The following SLC24A5 variants were observed in gnomAD, a reference collection of about 807,000 sequenced individuals.
SLC24A5 encodes the protein solute carrier family 24 member 5, also known as sodium/potassium/calcium exchanger 5.
A neutral mutation model predicts 51.6 loss-of-function variants in SLC24A5; 46 were observed. The observed-to-expected ratio is 0.89, with a 90% CI of 0.70 to 1.14. The LOEUF (loss-of-function observed/expected upper bound fraction) is 1.14. Ranked by LOEUF, SLC24A5 falls within the 50% of genes most tolerant of loss-of-function variation. The probability of loss-of-function intolerance (pLI) is 0.00; values close to 1 mark genes in which losing one functional copy is unlikely to be tolerated. For synonymous variants in SLC24A5, 230 were observed against 214.9 expected (o/e 1.07, Z -0.62); for missense variants, 581 against 604.1 (o/e 0.96, Z 0.40).
At chr15:48,136,991 A>G (rs1177530321) in intron 6 of SLC24A5, 28 bp downstream of exon 6, 2 of 1,576,552 alleles carry the variant, frequency 1.3e-6, no homozygotes, top group Non-Finnish European at 1.7e-6. Flanking sequence ...CCCATTATTA[A>G]GTCTATTCGC....
At chr15:48,141,440 G>T in intron 8 of SLC24A5, 1 of 328,270 alleles carries the variant, frequency 3.0e-6, no homozygotes, top group East Asian at 6.7e-5. Context: ...AGCCGGGCGT[G>T]GTGGCATGTG....
In SLC24A5 at chr15:48,134,957, GTATAATA is replaced by G; in HGVS notation, c.567_573del (p.Ile189MetfsTer15). ...ACAATTAGTGCAGCAGCAGTTCTTGGTATAATATATGACAACCAAGTTTACTGGTAAG... is the reference window on the plus strand; with the variant it reads ...ACAATTAGTGCAGCAGCAGTTCTTGGTATGACAACCAAGTTTACTGGTAAG... On this transcript the variant is annotated frameshift_variant, in exon 5 of 9. Coordinates refer to ENST00000341459, the MANE Select transcript of SLC24A5 (RefSeq NM_205850.3). LOFTEE classifies it high-confidence loss of function. The G allele has an allele frequency of 6.2e-7, 1 of 1,611,548 alleles. No individual in the cohort carries two copies. Among genetic ancestry groups the G allele is most frequent in the Non-Finnish European group, 8.5e-7 (1 of 1,178,264 alleles).
Position 48,121,931 on chromosome 15 carries a change from G to C in SLC24A5, c.196G>C (p.Asp66His). 6.2e-7 allele frequency: 1 copy of C among 1,614,180 alleles called. No individual in the cohort carries two copies. The highest frequency in any genetic ancestry group is 8.5e-7 in the Non-Finnish European group (1 of 1,180,016). Residue 66 changes from aspartate (D) to histidine (H), a missense_variant, in exon 2 of 9, where the codon GAT (aspartate) becomes CAT (histidine). Transcript: ENST00000341459. The stretch of plus-strand genomic sequence containing the variant: ...GTTTTTCACGAGACAGGAGCGCAGA[G>C]ATGGAGGCATCATAATCTATTTCCT... ...EGFFTRQERR[D>H]GGIIIYFLII... is the part of the protein sequence containing the mutation.
At chr15:48,126,601 G>A (rs924733694) in intron 2 of SLC24A5, among the ~76,000 whole-genome samples, 3 of 152,170 alleles carry the variant, frequency 2.0e-5, no homozygotes, top group Non-Finnish European at 4.4e-5. Context: ...AGGAGCTAGA[G>A]GTAATGGGGT....
intron 6 of SLC24A5, chr15:48,137,277 C>A (rs980905818): frequency 2.3e-5 from 6 of 257,166 alleles, no homozygotes; most frequent in East Asian, 8.8e-5. Context: ...TTAAATTGGG[C>A]CTTGCTGGAC....
chr15:48,137,689 G>C (rs1322442998), intron 6 of SLC24A5: 6 of 152,044 alleles, frequency 3.9e-5, no homozygotes, highest in African/African-American at 1.4e-4. Context: ...ACTATATGGG[G>C]CCAGAAAAAG....
At chr15:48,122,607 A>T (rs1186243657) in intron 2 of SLC24A5, 1 of 153,502 alleles carries the variant, frequency 6.5e-6, no homozygotes, top group Admixed American at 6.5e-5. Context: ...TGACTGTAAA[A>T]TCAGTTATTA....
At chr15:48,125,355 T>C (rs1442381407) in intron 2 of SLC24A5, among the ~76,000 whole-genome samples, 2 of 151,600 alleles carry the variant, frequency 1.3e-5, no homozygotes, top group Non-Finnish European at 2.9e-5. Flanking sequence ...GACTAATGTT[T>C]TGGTTTTACT....
chr15:48,133,156 G>T (rs751073285), intron 2 of SLC24A5, among the ~76,000 whole-genome samples: 1 of 152,026 alleles, frequency 6.6e-6, no homozygotes, highest in East Asian at 1.9e-4. Context: ...AGACTGAAGC[G>T]TCAAAAACCA....
In SLC24A5 at chr15:48,141,161, C is replaced by G; in HGVS notation, c.1127C>G (p.Ala376Gly). 1 of 1,613,854 alleles carries G rather than the reference C, an allele frequency of 6.2e-7. No individual in the cohort carries two copies. The highest frequency in any genetic ancestry group is 8.5e-7 in the Non-Finnish European group (1 of 1,179,828). ...ACAGTAATGGGCCTTACTTTATTAG[C>G]AGCAGGAACAAGCATACCAGACACA... ...PDTVMGLTLL[A>G]AGTSIPDTIA... Residue 376 changes from alanine (A) to glycine (G), a missense_variant, in exon 8 of 9, where the codon GCA (alanine) becomes GGA (glycine). Transcript: ENST00000341459.
intron 2 of SLC24A5, among the ~76,000 whole-genome samples, chr15:48,131,158 T>C (rs1412629516): frequency 6.6e-6 from 1 of 152,160 alleles, no homozygotes; most frequent in Non-Finnish European, 1.5e-5. Context: ...GCCATCTCCT[T>C]TATCTTTTTG....
chr15:48,124,924 G>A (rs1168420625), intron 2 of SLC24A5, among the ~76,000 whole-genome samples: 1 of 152,138 alleles, frequency 6.6e-6, no homozygotes, highest in East Asian at 1.9e-4. Flanking sequence ...AATAGTGCTA[G>A]CTCAATTCAT....
chr15:48,139,450 A>G (rs2038987733), intron 7 of SLC24A5: 1 of 252,792 alleles, frequency 4.0e-6, no homozygotes, highest in African/African-American at 2.2e-5. Context: ...ATGTCTTTTT[A>G]TTATGCTAAT....
intron 2 of SLC24A5, among the ~76,000 whole-genome samples, chr15:48,131,360 T>G (rs573095709): frequency 1.3e-5 from 2 of 152,146 alleles, no homozygotes; most frequent in Non-Finnish European, 2.9e-5. Context: ...TTTGGGTATT[T>G]GTCCACTCCA....
chr15:48,140,779 C>T (rs2039048551), intron 7 of SLC24A5: 4 of 217,442 alleles, frequency 1.8e-5, no homozygotes, highest in East Asian at 1.1e-4. Context: ...TGATCAGTCT[C>T]ATTATCAAAT....
intron 2 of SLC24A5, among the ~76,000 whole-genome samples, chr15:48,128,517 A>G (rs2038755592): frequency 6.6e-6 from 1 of 152,230 alleles, no homozygotes; most frequent in Non-Finnish European, 1.5e-5. Context: ...TTTTAATTCC[A>G]GGCAGAATTG....
In SLC24A5 at chr15:48,136,827, G is replaced by A; in HGVS notation, c.735G>A (p.Gln245=). Residue 245 remains glutamine, a synonymous_variant, in exon 6 of 9, where the codon CAG becomes CAA. Coordinates refer to ENST00000341459, the MANE Select transcript of SLC24A5 (RefSeq NM_205850.3). ...LAKAMERSEQ[Q]PLMGWEDEGQ... ...AAGCTATGGAGAGAAGTGAACAACA[G>A]CCACTGATGGGCTGGGAAGATGAAG... 2.5e-6 allele frequency: 4 copies of A among 1,613,802 alleles called. No individual in the cohort carries two copies. The highest frequency in any genetic ancestry group is 3.4e-6 in the Non-Finnish European group (4 of 1,179,816).
At chr15:48,133,523 C>A (rs772412280) in intron 2 of SLC24A5, among the ~76,000 whole-genome samples, 5 of 152,060 alleles carry the variant, frequency 3.3e-5, no homozygotes, top group Admixed American at 6.6e-5. Flanking sequence ...TGTAGTATTA[C>A]GTATTTTCTT....
In SLC24A5 at chr15:48,134,529, A is replaced by G. The variant is rs1202209035; in HGVS notation, c.480A>G (p.Leu160=). The G allele has an allele frequency of 1.9e-6, 3 of 1,611,698 alleles. No individual in the cohort carries two copies. The highest frequency in any genetic ancestry group is 1.7e-6 in the Non-Finnish European group (2 of 1,178,028). The change falls in exon 4 of 9, where the codon CTA becomes CTG. Residue 160 remains leucine (L), a synonymous_variant. Coordinates refer to ENST00000341459, the MANE Select transcript of SLC24A5 (RefSeq NM_205850.3). ...LLGICAACGL[L]SNTVSTLSCW... ...GCATCTGTGCTGCCTGTGGTTTGCT[A>G]TCTAATACGGTATGTAACAAAACCA...
Sources: allele counts gnomAD v4.1 joint callset (sites outside exome capture counted in the v4.1 genomes callset), GRCh38; gene constraint gnomAD v4.1.1; transcripts MANE v1.5; gene names NCBI Gene and HGNC (gene_info 2026-07-23, HGNC 2026-07-21).